PCDHGA7: variants seen among roughly 807,000 people sequenced by gnomAD.
PCDHGA7 encodes protocadherin gamma subfamily A, 7, also known as protocadherin gamma-A7.
Under a neutral mutation model 58.3 loss-of-function variants are expected in PCDHGA7, and 44 were observed. The observed-to-expected ratio is 0.75, with a 90% confidence interval of 0.59 to 0.97. PCDHGA7 has a LOEUF of 0.97. Among genes scored for constraint, PCDHGA7 ranks in the 50% least tolerant of loss-of-function variants. The probability of loss-of-function intolerance (pLI) is 0.00; values close to 1 mark genes in which losing one functional copy is unlikely to be tolerated. For synonymous variants in PCDHGA7, 516 were observed against 504.2 expected (o/e 1.02, Z -0.31); for missense variants, 1,266 against 1,188.7 (o/e 1.06, Z -0.96).
chr5:141,419,175 C>T (rs185228661), intron 1 of PCDHGA7: 2 of 1,613,966 alleles, frequency 1.2e-6, no homozygotes, highest in Non-Finnish European at 1.7e-6. Flanking sequence ...AAAACCATAA[C>T]CCTGCACATT....
intron 1 of PCDHGA7, chr5:141,422,932 C>G: frequency 6.2e-7 from 1 of 1,614,252 alleles, no homozygotes; most frequent in Non-Finnish European, 8.5e-7. Context: ...CCCTGCCCTC[C>G]CCACAGACGG....
intron 1 of PCDHGA7, among the ~76,000 whole-genome samples, chr5:141,471,978 A>C (rs1246474598): frequency 1.3e-5 from 2 of 152,184 alleles, no homozygotes; most frequent in African/African-American, 4.8e-5. Flanking sequence ...TTACTGTATA[A>C]ATTTATTAAA....
Position 141,432,320 on chromosome 5 carries a change from G to A in PCDHGA7, c.2424+46997G>A, listed in dbSNP as rs369088426. 4 of 1,614,120 alleles carry A rather than the reference G, an allele frequency of 2.5e-6. No individual in the cohort carries two copies. The African/African-American group carries it at 4.0e-5, about 16-fold the overall frequency. On this transcript the variant is annotated intron_variant, in intron 1 of 3. Coordinates refer to ENST00000518325, the MANE Select transcript of PCDHGA7 (RefSeq NM_018920.4). The surrounding 1 kb of genome is among the most constrained non-coding windows in gnomAD (Gnocchi z 6.0). ...GGTACTGTATGCGCTGAGCTCCTTC[G>A]ACTACGAGCAGTTCCGAGACTTGCA...
At chr5:141,395,156 T>C in intron 1 of PCDHGA7, 4 of 1,614,114 alleles carry the variant, frequency 2.5e-6, no homozygotes, top group East Asian at 4.5e-5. Context: ...TGCTCATCAG[T>C]CAGGAGGGCT....
rs553126235 is a variant in PCDHGA7 at position 141,473,346 on chromosome 5, G to A, written c.2425-21461G>A. Reference sequence around the variant, plus strand: ...AAGTGCCTGCTGTGCTAGACAGTGAGGATGCAAGTGGCCACCAAAATAGCA... The same window carrying A: ...AAGTGCCTGCTGTGCTAGACAGTGAAGATGCAAGTGGCCACCAAAATAGCA... On this transcript the variant is annotated intron_variant, in intron 1 of 3. Transcript: ENST00000518325. Among the ~76,000 whole-genome samples, 9 of 152,310 alleles carry A rather than the reference G, an allele frequency of 5.9e-5. No individual in the cohort carries two copies. The East Asian group carries it at 1.5e-3, about 26-fold the overall frequency.
chr5:141,421,538 T>A, intron 1 of PCDHGA7: 2 of 1,614,028 alleles, frequency 1.2e-6, no homozygotes, highest in Non-Finnish European at 1.7e-6. Context: ...TCCTCCTGTT[T>A]TTTAAATATG....
At chr5:141,419,977 G>A (rs962684463) in intron 1 of PCDHGA7, 1 of 1,614,066 alleles carries the variant, frequency 6.2e-7, no homozygotes, top group Non-Finnish European at 8.5e-7. Context: ...TTCTCCTCGC[G>A]GTGATTCTAG....
intron 1 of PCDHGA7, chr5:141,428,210 A>T: frequency 7.7e-7 from 1 of 1,293,350 alleles, no homozygotes; most frequent in Non-Finnish European, 1.1e-6. Flanking sequence ...GCTACGCTTC[A>T]CCTAGTCTTC....
At chr5:141,418,436 G>A in intron 1 of PCDHGA7, 1 of 1,614,000 alleles carries the variant, frequency 6.2e-7, no homozygotes. Flanking sequence ...CAAATATCCA[G>A]AATTAGTATT....
At chr5:141,395,140 C>T in intron 1 of PCDHGA7, 1 of 1,614,212 alleles carries the variant, frequency 6.2e-7, no homozygotes, top group Non-Finnish European at 8.5e-7. Flanking sequence ...CCCAACTACG[C>T]AGACATGCTC....
intron 2 of PCDHGA7, among the ~76,000 whole-genome samples, chr5:141,504,799 C>A (rs1474096570): frequency 6.6e-6 from 1 of 151,994 alleles, no homozygotes; most frequent in African/African-American, 2.4e-5. Context: ...CCTACATCTC[C>A]CCCTAGGTAC....
chr5:141,494,037 T>C (rs2099751443), intron 1 of PCDHGA7, among the ~76,000 whole-genome samples: 1 of 152,146 alleles, frequency 6.6e-6, no homozygotes, highest in South Asian at 2.1e-4. Context: ...GAGACTTAGT[T>C]GGCCCTGCTT....
intron 1 of PCDHGA7, among the ~76,000 whole-genome samples, chr5:141,448,751 T>C (rs888567097): frequency 1.3e-5 from 2 of 151,804 alleles, no homozygotes; most frequent in South Asian, 4.2e-4. Context: ...CCATCCTGGC[T>C]AACACGGTGA....
chr5:141,474,608 T>C (rs1469173973), intron 1 of PCDHGA7, among the ~76,000 whole-genome samples: 1 of 152,268 alleles, frequency 6.6e-6, no homozygotes, highest in Non-Finnish European at 1.5e-5. Flanking sequence ...AGGTCACATA[T>C]GGCTTTTCAT....
chr5:141,433,110 G>C (rs1031253372), intron 1 of PCDHGA7: 1 of 1,614,098 alleles, frequency 6.2e-7, no homozygotes, highest in Middle Eastern at 1.7e-4. Context: ...AGCCAGGAGA[G>C]CTTTGAAAAA....
intron 1 of PCDHGA7, chr5:141,402,987 G>GATTA: frequency 6.2e-7 from 1 of 1,611,924 alleles, no homozygotes; most frequent in Non-Finnish European, 8.5e-7. Flanking sequence ...CTCCGCGGAA[G>GATTA]ATTAGTCCTG....
At position 141,491,605 on chromosome 5, in the gene PCDHGA7, T is replaced by C; in HGVS notation, c.2425-3202T>C. On this transcript the variant is annotated intron_variant, in intron 1 of 3. Coordinates refer to ENST00000518325, the MANE Select transcript of PCDHGA7 (RefSeq NM_018920.4). This position sits in a 1 kb window ranked among gnomAD's most constrained non-coding sequence, Gnocchi z 6.9. Reference sequence around the variant, plus strand: ...GGCCTCGGACGGCAGTGACTTCACTTTTCTAAGACCCCTCAGCGTTCAGCA... The same window carrying C: ...GGCCTCGGACGGCAGTGACTTCACTCTTCTAAGACCCCTCAGCGTTCAGCA... 6.2e-7 allele frequency: 1 copy of C among 1,613,868 alleles called. No individual in the cohort carries two copies. Among genetic ancestry groups the C allele is most frequent in the East Asian group, 2.2e-5 (1 of 44,858 alleles).
At chr5:141,450,033 G>T (rs1377962229) in intron 1 of PCDHGA7, among the ~76,000 whole-genome samples, 2 of 131,450 alleles carry the variant, frequency 1.5e-5, no homozygotes, top group Admixed American at 8.4e-5. Flanking sequence ...TTGAGACAGG[G>T]TCTCACTCTT....
intron 1 of PCDHGA7, chr5:141,399,774 C>A (rs758550367): frequency 1.2e-6 from 2 of 1,613,116 alleles, no homozygotes; most frequent in South Asian, 2.2e-5. Flanking sequence ...TGTTGGTGGG[C>A]GACCGAAACG....
Sources: allele counts gnomAD v4.1 joint callset (sites outside exome capture counted in the v4.1 genomes callset), GRCh38; gene constraint gnomAD v4.1.1; non-coding constraint Gnocchi (gnomAD v3.1); transcripts MANE v1.5; gene names NCBI Gene and HGNC (gene_info 2026-07-23, HGNC 2026-07-21).